The following SSR2 variants were observed in gnomAD, a reference collection of about 807,000 sequenced individuals.
SSR2 encodes the protein signal sequence receptor subunit 2, also known as translocon-associated protein subunit beta.
SSR2 carries 16 observed loss-of-function variants against 22.6 expected under a neutral mutation model. That is an observed-to-expected ratio of 0.71 (90% CI 0.48 to 1.08). The LOEUF is 1.08. Among genes scored for constraint, SSR2 ranks in the 50% least tolerant of loss-of-function variants. The pLI is 0.00. For missense variants in SSR2, 171 were observed against 221.6 expected (o/e 0.77, Z 1.45); for synonymous variants, 83 against 91.2 (o/e 0.91, Z 0.51).
chr1:156,019,179 T>C (rs780867322), intron 2 of SSR2: 1 of 426,654 alleles, frequency 2.3e-6, no homozygotes, highest in Non-Finnish European at 4.7e-6. Context: ...GACTGGATTC[T>C]ATTGCTCAGA....
intron 1 of SSR2, 76 bp downstream of exon 1, chr1:156,020,811 AC>A: frequency 2.2e-6 from 1 of 448,722 alleles, no homozygotes; most frequent in Non-Finnish European, 4.8e-6. Context: ...CCCCTAGCTA[AC>A]CCCCAGCCAC....
chr1:156,009,590 A>AC lies in SSR2; in HGVS notation c.501dup (p.Trp168ValfsTer9). 2 of 1,613,312 alleles carry AC rather than the reference A, an allele frequency of 1.2e-6. No homozygotes were observed. The highest frequency in any genetic ancestry group is 1.7e-6 in the Non-Finnish European group (2 of 1,179,700). On this transcript the variant is annotated frameshift_variant, in exon 6 of 6. Transcript: ENST00000295702. LOFTEE classifies it high-confidence loss of function. ...TCATATTTCCTCTTGCTGGAGTACCACAATAGCAGGGGGATGCCGATGGAG... is the reference window on the plus strand; with the variant it reads ...TCATATTTCCTCTTGCTGGAGTACCACCAATAGCAGGGGGATGCCGATGGAG...
chr1:156,009,780 GT>G (rs374325952), intron 5 of SSR2, 130 bp from the exon 6 acceptor site: 2,696 of 504,578 alleles, frequency 5.3e-3, no homozygotes, highest in South Asian at 7.2e-3. Context: ...CAAAGTCTTA[GT>G]TTTTTTTTTT....
At chr1:156,012,062 G>A (rs571862052) in intron 4 of SSR2, 175 bp from the exon 5 acceptor site, 25 of 555,310 alleles carry the variant, frequency 4.5e-5, no homozygotes, top group African/African-American at 4.3e-4. Context: ...GAGAGAGTTG[G>A]ATGATTCTCT....
At chr1:156,016,351 A>T (rs1683055773) in intron 3 of SSR2, among the ~76,000 whole-genome samples, 1 of 151,674 alleles carries the variant, frequency 6.6e-6, no homozygotes, top group African/African-American at 2.4e-5. Context: ...CTCCTGCCTC[A>T]GCCTCCAGAG....
At chr1:156,011,910 A>G in intron 4 of SSR2, 23 bp from the exon 5 acceptor site, 1 of 1,598,868 alleles carries the variant, frequency 6.3e-7, no homozygotes, top group Non-Finnish European at 8.6e-7. Flanking sequence ...AAAGAACGAC[A>G]TTAAGGGAAG....
Position 156,011,842 on chromosome 1 carries a change from G to A in SSR2, c.409C>T (p.Arg137Trp), listed in dbSNP as rs200705091. The A allele has an allele frequency of 1.1e-5, 17 of 1,613,926 alleles. No homozygotes were observed. The highest frequency in any genetic ancestry group is 6.6e-5 in the South Asian group (6 of 91,088). ...GGGGAGAATCGCCTGTCAAACTCCCGCTGAGCCAGGATTCCTCCCTGTCCA... is the reference window on the plus strand; with the variant it reads ...GGGGAGAATCGCCTGTCAAACTCCCACTGAGCCAGGATTCCTCCCTGTCCA... ...APGQGGILAQ[R>W]EFDRRFSPHF... The change falls in exon 5 of 6, where the codon CGG becomes TGG. Residue 137 changes from arginine to tryptophan, a missense_variant. Coordinates refer to ENST00000295702, the MANE Select transcript of SSR2 (RefSeq NM_003145.4).
intron 2 of SSR2, chr1:156,019,129 T>C (rs546861681): frequency 1.5e-5 from 4 of 267,082 alleles, no homozygotes; most frequent in Middle Eastern, 4.4e-4. Context: ...ATGAGTAATA[T>C]AGCAACTTGG....
At chr1:156,018,233 C>G (rs772729415) in intron 3 of SSR2, 37 bp downstream of exon 3, 4 of 1,539,918 alleles carry the variant, frequency 2.6e-6, no homozygotes, top group Non-Finnish European at 3.6e-6. Flanking sequence ...GCTCTCCCTG[C>G]CCCCCGACCC....
intron 3 of SSR2, among the ~76,000 whole-genome samples, chr1:156,017,750 T>G (rs1297408553): frequency 5.9e-5 from 7 of 119,586 alleles, no homozygotes; most frequent in African/African-American, 2.2e-4. Context: ...TTTTTTTTTT[T>G]TTTTTTTTTT....
Position 156,015,505 on chromosome 1 carries a change from C to CAAA in SSR2, c.255-439_255-437dup, listed in dbSNP as rs1169214264. On this transcript the variant is annotated intron_variant, in intron 3 of 5. Transcript: ENST00000295702. Reference sequence around the variant, plus strand: ...TGGGTAACAGAGTGAGACTCCGCCTCAAAAAAAAAAAAAAAAAAAAAAAAA... The same window carrying CAAA: ...TGGGTAACAGAGTGAGACTCCGCCTCAAAAAAAAAAAAAAAAAAAAAAAAAAAA... Among the ~76,000 whole-genome samples the CAAA allele has an allele frequency of 5.0e-3, 204 of 41,018 alleles. 29 individuals carry two copies. Among genetic ancestry groups the CAAA allele is most frequent in the East Asian group, 0.016 (8 of 510 alleles). 26.9% of individuals were successfully genotyped at this position (41,018 alleles called of 152,430 possible).
chr1:156,011,967 C>G (rs975649358), intron 4 of SSR2, 80 bp from the exon 5 acceptor site: 20 of 995,100 alleles, frequency 2.0e-5, no homozygotes, highest in Non-Finnish European at 3.2e-5. Context: ...AAGGGCAGTC[C>G]CAACCAACCC....
At chr1:156,020,462 G>A (rs1683131503) in intron 1 of SSR2, 1 of 346,542 alleles carries the variant, frequency 2.9e-6, no homozygotes, top group Admixed American at 4.1e-5. Flanking sequence ...CATGTGGCCA[G>A]AGCAGGGCTT....
Position 156,009,597 on chromosome 1 carries a change from CAG to C in SSR2, c.493_494del (p.Leu165AlafsTer11). The C allele has an allele frequency of 6.2e-7, 1 of 1,613,220 alleles. No homozygotes were observed. Among genetic ancestry groups the C allele is most frequent in the Non-Finnish European group, 8.5e-7 (1 of 1,179,656 alleles). Reference protein sequence around the residue: ...VMTLPSIGIPLLLWYSSKRKY... With the variant: ...VMTLPSIGIPXLLWYSSKRKY... ...TCCTCTTGCTGGAGTACCACAATAG[CAG>C]GGGGATGCCGATGGAGGGAAGGGTC... On this transcript the variant is annotated frameshift_variant, in exon 6 of 6. Coordinates refer to ENST00000295702, the MANE Select transcript of SSR2 (RefSeq NM_003145.4). LOFTEE classifies it high-confidence loss of function.
chr1:156,018,181 T>C, intron 3 of SSR2, 89 bp downstream of exon 3: 1 of 926,366 alleles, frequency 1.1e-6, no homozygotes, highest in South Asian at 1.3e-5. Context: ...CAGCCACACA[T>C]ATCCAGCCTA....
At position 156,011,797 on chromosome 1, in the gene SSR2, C is replaced by A. The variant is rs776186939; in HGVS notation, c.441+13G>T. 8.7e-6 allele frequency: 14 copies of A among 1,611,336 alleles called. No individual in the cohort carries two copies. Among genetic ancestry groups the A allele is most frequent in the Non-Finnish European group, 1.2e-5 (14 of 1,177,796 alleles). On this transcript the variant is annotated intron_variant, in intron 5 of 5. Transcript: ENST00000295702. Reference sequence around the variant, plus strand: ...ACCAAGGAACTGATGAGAGAGAACACTAGAAAGCTTACAAAATGAGGGGAG... The same window carrying A: ...ACCAAGGAACTGATGAGAGAGAACAATAGAAAGCTTACAAAATGAGGGGAG...
Position 156,009,287 on chromosome 1 carries a change from G to C in SSR2, c.*253C>G. The C allele has an allele frequency of 2.5e-6, 1 of 402,916 alleles. No individual in the cohort carries two copies. The highest frequency in any genetic ancestry group is 4.4e-6 in the Non-Finnish European group (1 of 225,520). 25.0% of individuals were successfully genotyped at this position (402,916 alleles called of 1,614,324 possible). Reference sequence around the variant, plus strand: ...CAGCACCTCAGTGGGGCATCAGAGGGCCCTCTAGGCTCAAGGCTATTGCCA... The same window carrying C: ...CAGCACCTCAGTGGGGCATCAGAGGCCCCTCTAGGCTCAAGGCTATTGCCA... On this transcript the variant is annotated 3_prime_UTR_variant, in exon 6 of 6. Transcript: ENST00000295702.
intron 5 of SSR2, 49 bp downstream of exon 5, chr1:156,011,761 G>A (rs892251745): frequency 1.3e-6 from 2 of 1,497,196 alleles, no homozygotes; most frequent in African/African-American, 1.4e-5. Flanking sequence ...GAACCAAAAG[G>A]GCATTCTCAT....
chr1:156,018,234 C>G (rs907270902), intron 3 of SSR2, 36 bp downstream of exon 3: 1 of 1,544,074 alleles, frequency 6.5e-7, no homozygotes, highest in East Asian at 2.2e-5. Flanking sequence ...CTCTCCCTGC[C>G]CCCCGACCCT....
Sources: allele counts gnomAD v4.1 joint callset (sites outside exome capture counted in the v4.1 genomes callset), GRCh38; gene constraint gnomAD v4.1.1; transcripts MANE v1.5; gene names NCBI Gene and HGNC (gene_info 2026-07-23, HGNC 2026-07-21).